The following FLT4 variants were observed in gnomAD, a reference collection of about 807,000 sequenced individuals.
FLT4 encodes the protein vascular endothelial growth factor receptor 3.
Under a neutral mutation model 163.2 loss-of-function variants are expected in FLT4, and 30 were observed. That is an observed-to-expected ratio of 0.18 (90% CI 0.14 to 0.25). The LOEUF (loss-of-function observed/expected upper bound fraction) is 0.25. Ranked by LOEUF, FLT4 falls within the 10% of genes least tolerant of loss-of-function variation. The pLI, the probability that FLT4 is intolerant of heterozygous loss-of-function variation, is 1.00. For synonymous variants in FLT4, 884 were observed against 789.5 expected, an observed-to-expected ratio of 1.12 and a Z score of -2.01; for missense variants, 1,510 against 1,863.8, an observed-to-expected ratio of 0.81 and a Z score of 3.50.
In FLT4 at chr5:180,621,182, C is replaced by T. The variant is rs2127815033; in HGVS notation, c.2091G>A (p.Met697Ile). Reference sequence around the variant, plus strand: ...CGTGCGCTCCGGCCACCAAGCACTGCATCTCCAGCGAGTCGCTCACGTTCA... The same window carrying T: ...CGTGCGCTCCGGCCACCAAGCACTGTATCTCCAGCGAGTCGCTCACGTTCA... ...LLVNVSDSLE[M>I]QCLVAGAHAP... The change falls in exon 14 of 30, where the codon ATG becomes ATA. Residue 697 changes from methionine to isoleucine, a missense_variant. By Grantham distance (10) the Met-to-Ile change is conservative. Around this residue, in one of 5 missense-constraint regions of FLT4, gnomAD observed 878 missense variants for 1,016.7 expected, o/e 0.86. Coordinates refer to ENST00000261937, the MANE Select transcript of FLT4 (RefSeq NM_182925.5). The T allele has an allele frequency of 6.2e-7, 1 of 1,612,856 alleles. No individual in the cohort carries two copies. Among genetic ancestry groups the T allele is most frequent in the African/African-American group, 1.3e-5 (1 of 75,058 alleles).
rs984087147 is a variant in FLT4 at position 180,623,749 on chromosome 5, G to A, written c.1548+186C>T. 2.4e-4 allele frequency among the ~76,000 whole-genome samples: 36 copies of A among 152,164 alleles called. No individual in the cohort carries two copies. Among genetic ancestry groups the A allele is most frequent in the Admixed American group, 1.5e-3 (23 of 15,280 alleles). ...GAGGTCCGCCCTCCATCACAAAGCC[G>A]GAGACTGGCCCTCTGACCTTTCTGC... On this transcript the variant is annotated intron_variant, in intron 11 of 29. Transcript: ENST00000261937. The surrounding 1 kb of genome is among the most constrained non-coding windows in gnomAD (Gnocchi z 5.8).
intron 17 of FLT4, 48 bp from the exon 18 acceptor site, chr5:180,619,817 T>C: frequency 7.1e-7 from 1 of 1,415,372 alleles, no homozygotes; most frequent in Non-Finnish European, 1.0e-6. Context: ...GGGGTGAGCG[T>C]GGAGACAGGT....
At position 180,621,608 on chromosome 5, in the gene FLT4, C is replaced by T; in HGVS notation, c.1954G>A (p.Val652Met). Residue 652 changes from valine to methionine, a missense_variant, in exon 13 of 30, where the codon GTG becomes ATG. Coordinates refer to ENST00000261937, the MANE Select transcript of FLT4 (RefSeq NM_182925.5). The part of the protein sequence containing the change: ...RVAPEHEGHY[V>M]CEVQDRRSHD... ...CTGCGCCGGTCTTGCACTTCGCACA[C>T]ATAGTGGCCCTCGTGCTCGGGCGCG... is the stretch of plus-strand genomic sequence containing the variant. 3.1e-6 allele frequency: 5 copies of T among 1,607,764 alleles called. No individual in the cohort carries two copies. Among genetic ancestry groups the T allele is most frequent in the Non-Finnish European group, 4.3e-6 (5 of 1,176,222 alleles).
intron 29 of FLT4, chr5:180,608,324 C>T: frequency 1.4e-6 from 1 of 700,826 alleles, no homozygotes; most frequent in Non-Finnish European, 2.6e-6. Flanking sequence ...ATGTGACTTG[C>T]TTCACCTTAT....
Position 180,634,981 on chromosome 5 carries a change from GGTGGCTGA to G in FLT4, c.59-3211_59-3204del, listed in dbSNP as rs1225350528. On this transcript the variant is annotated intron_variant, in intron 1 of 29. Transcript: ENST00000261937. Reference sequence around the variant, plus strand: ...GTATGGGTGGATGGGTGGGTGGGTGGGTGGCTGAGAGGATGGATGCATGGATGGACGGA... The same window carrying G: ...GTATGGGTGGATGGGTGGGTGGGTGGGAGGATGGATGCATGGATGGACGGA... 6.1e-4 allele frequency among the ~76,000 whole-genome samples: 5 copies of G among 8,214 alleles called. 1 individual carries two copies. Among genetic ancestry groups the G allele is most frequent in the Non-Finnish European group, 6.9e-4 (2 of 2,888 alleles). The allele number at this position is 8,214 out of a possible 152,430, so 5.4% of individuals were successfully genotyped here. A position where few individuals can be genotyped will look rare whatever the true frequency, so the allele number is the denominator to read the frequency against.
In FLT4 at chr5:180,623,003, G is replaced by A. The variant is rs770100484; in HGVS notation, c.1549-164C>T. Among the ~76,000 whole-genome samples, 2 of 152,278 alleles carry A rather than the reference G, an allele frequency of 1.3e-5. No individual in the cohort carries two copies. The highest frequency in any genetic ancestry group is 4.2e-4 in the South Asian group (2 of 4,814). On this transcript the variant is annotated intron_variant, in intron 11 of 29. Transcript: ENST00000261937. The surrounding 1 kb of genome is among the most constrained non-coding windows in gnomAD (Gnocchi z 5.8). ...AACTCACAGGACCAGGGATAGTGAG[G>A]CAGAGGAGAGAAGGCCCCTGGGCAG...
rs2242217 is a variant in FLT4 at position 180,613,918 on chromosome 5, G to A, written c.3331+150C>T. 0.44 allele frequency: 311,485 copies of A among 705,214 alleles called. 71,017 individuals are homozygous for A. Among genetic ancestry groups the A allele is most frequent in the Non-Finnish European group, 0.48 (183,648 of 385,630 alleles). 43.7% of individuals were successfully genotyped at this position (705,214 alleles called of 1,614,324 possible). A position where few individuals can be genotyped will look rare whatever the true frequency, so the allele number is the denominator to read the frequency against. ...CTGGGCCAGGCTGGGGAGAGGTGGG[G>A]GGCCCTTGGTGGCCCACAAACCACC... On this transcript the variant is annotated intron_variant, in intron 24 of 29. Transcript: ENST00000261937.
intron 29 of FLT4, among the ~76,000 whole-genome samples, 164 bp downstream of exon 29, chr5:180,608,804 G>C (rs1761952049): frequency 1.3e-5 from 2 of 152,184 alleles, no homozygotes; most frequent in South Asian, 2.1e-4. Context: ...CGGTGCTGTA[G>C]GTCAGGAGGG....
chr5:180,630,794 T>A lies in FLT4; in HGVS notation c.161A>T (p.Gln54Leu). ...TGGCCAAGCCCACTCGAGGGGGTGC[T>A]GTCCCCTGGCAGAGGACAGGAGTGG... ...GDSLSISCRG[Q>L]HPLEWAWPGA... is the part of the protein sequence containing the mutation. The change falls in exon 3 of 30, where the codon CAG (glutamine) becomes CTG (leucine). Residue 54 changes from glutamine (Q) to leucine (L), a missense_variant. Physicochemically the swap from Gln to Leu is moderately radical, Grantham distance 113. This residue lies in a region of FLT4 where 157 missense variants were observed against 178.7 expected (regional missense o/e 0.88). Transcript: ENST00000261937. The surrounding 1 kb of genome is among the most constrained non-coding windows in gnomAD (Gnocchi z 6.3). The A allele has an allele frequency of 6.2e-7, 1 of 1,602,490 alleles. No individual in the cohort carries two copies.
chr5:180,649,482 G>A lies in FLT4; in HGVS notation c.58+6C>T. 2 of 1,458,022 alleles carry A rather than the reference G, an allele frequency of 1.4e-6. No homozygotes were observed. The highest frequency in any genetic ancestry group is 3.1e-5 in the East Asian group (1 of 32,618). 90.3% of individuals were successfully genotyped at this position (1,458,022 alleles called of 1,614,324 possible). A position where few individuals can be genotyped will look rare whatever the true frequency, so the allele number is the denominator to read the frequency against. The stretch of plus-strand genomic sequence containing the variant: ...CTCGGGCGGGTGGCCCGTTCGCCGC[G>A]CTCACCGTCCAGGAGTCCCAGGCAG... On this transcript the variant is annotated splice_donor_region_variant and intron_variant, in intron 1 of 29. Coordinates refer to ENST00000261937, the MANE Select transcript of FLT4 (RefSeq NM_182925.5).
rs2127837729 is a variant in FLT4 at position 180,630,345 on chromosome 5, G to A, written c.401-8C>T. ...TGAATGGCTGCTCAAAGTCTATGGAGAGGGAGCAAGCTGTTGGGGAAGGGA... is the reference window on the plus strand; with the variant it reads ...TGAATGGCTGCTCAAAGTCTATGGAAAGGGAGCAAGCTGTTGGGGAAGGGA... On this transcript the variant is annotated splice_polypyrimidine_tract_variant and splice_region_variant and intron_variant, in intron 3 of 29. Transcript: ENST00000261937. The surrounding 1 kb of genome is among the most constrained non-coding windows in gnomAD (Gnocchi z 6.3). 6.2e-7 allele frequency: 1 copy of A among 1,606,246 alleles called. No individual in the cohort carries two copies. The highest frequency in any genetic ancestry group is 8.5e-7 in the Non-Finnish European group (1 of 1,178,650).
intron 10 of FLT4, among the ~76,000 whole-genome samples, chr5:180,625,464 A>C (rs1318539134): frequency 6.6e-6 from 1 of 152,204 alleles, no homozygotes; most frequent in Non-Finnish European, 1.5e-5. Context: ...CGTGGGGCTC[A>C]GTGCAACCAT....
chr5:180,626,901 T>G (rs1360953802), intron 8 of FLT4, among the ~76,000 whole-genome samples: 1 of 152,226 alleles, frequency 6.6e-6, no homozygotes, highest in Non-Finnish European at 1.5e-5. Flanking sequence ...CCCTGCCTCC[T>G]TCATTTGGGT....
chr5:180,603,156 G>C lies in FLT4; in HGVS notation c.*36C>G, dbSNP rs1396323283. On this transcript the variant is annotated 3_prime_UTR_variant, in exon 30 of 30. Coordinates refer to ENST00000261937, the MANE Select transcript of FLT4 (RefSeq NM_182925.5). ...GCCCTCTGCCCGCCCTGCCGGGCCT[G>C]AACCCCCAAGTGCTGGGGGTCTTGT... is the stretch of plus-strand genomic sequence containing the variant. The C allele has an allele frequency of 6.2e-7, 1 of 1,605,838 alleles. No individual in the cohort carries two copies. The highest frequency in any genetic ancestry group is 1.1e-5 in the South Asian group (1 of 90,748).
chr5:180,633,578 G>A (rs912693629), intron 1 of FLT4, among the ~76,000 whole-genome samples: 8 of 152,334 alleles, frequency 5.3e-5, no homozygotes, highest in Admixed American at 5.2e-4. Flanking sequence ...CAGGGGCTGG[G>A]GGATCCCTGC....
At chr5:180,624,308 C>T (rs1307491075) in intron 10 of FLT4, among the ~76,000 whole-genome samples, 2 of 151,008 alleles carry the variant, frequency 1.3e-5, no homozygotes, top group Non-Finnish European at 2.9e-5. Flanking sequence ...CTCACCGAAA[C>T]CTCCGCCTCC....
rs546341400 is a variant in FLT4 at position 180,623,817 on chromosome 5, G to A, written c.1548+118C>T. The A allele has an allele frequency of 1.7e-5, 22 of 1,329,904 alleles. 1 individual carries two copies. Among genetic ancestry groups the A allele is most frequent in the Admixed American group, 5.1e-5 (3 of 59,332 alleles). The allele number at this position is 1,329,904 out of a possible 1,614,324, so 82.4% of individuals were successfully genotyped here. A position where few individuals can be genotyped will look rare whatever the true frequency, so the allele number is the denominator to read the frequency against. ...CCTACAGACTGCAGGAAGGTCACCC[G>A]CTCTCGGCTGCTCTGCCCAGCACTC... On this transcript the variant is annotated intron_variant, in intron 11 of 29. Coordinates refer to ENST00000261937, the MANE Select transcript of FLT4 (RefSeq NM_182925.5). This position sits in a 1 kb window ranked among gnomAD's most constrained non-coding sequence, Gnocchi z 5.8.
intron 1 of FLT4, among the ~76,000 whole-genome samples, chr5:180,640,202 C>T (rs184197120): frequency 1.3e-5 from 2 of 152,096 alleles, no homozygotes; most frequent in Non-Finnish European, 2.9e-5. Context: ...TAGCAGCGAG[C>T]GAGGTGGGGG....
chr5:180,619,453 A>G, intron 18 of FLT4, 87 bp from the exon 19 acceptor site: 1 of 995,772 alleles, frequency 1.0e-6, no homozygotes, highest in African/African-American at 2.2e-5. Flanking sequence ...GGGGAGGGTT[A>G]CTAAGGGCCC....
Sources: gnomAD v4.1 joint callset for allele counts (sites outside exome capture counted in the v4.1 genomes callset) on GRCh38, gnomAD v4.1.1 for gene constraint, gnomAD v4.1.1 regional missense constraint, Gnocchi (gnomAD v3.1) non-coding constraint, MANE v1.5 for transcripts, NCBI Gene and HGNC (gene_info 2026-07-23, HGNC 2026-07-21) for gene names.